TSPAN5: variants seen among roughly 807,000 people sequenced by gnomAD.
The protein encoded by TSPAN5 is tetraspanin 5, also known as tetraspanin-5.
A neutral mutation model predicts 37.1 loss-of-function variants in TSPAN5; 10 were observed. The ratio of observed to expected loss-of-function variants is 0.27; its 90% CI spans 0.17 to 0.46. The LOEUF is 0.46. Ranked by LOEUF, TSPAN5 falls within the 20% of genes least tolerant of loss-of-function variation. The pLI is 1.00. For missense variants in TSPAN5, 195 were observed against 326.6 expected, an observed-to-expected ratio of 0.60 and a Z score of 3.11; for synonymous variants, 110 against 118.9, an observed-to-expected ratio of 0.93 and a Z score of 0.48.
intron 1 of TSPAN5, among the ~76,000 whole-genome samples, chr4:98,535,374 G>A (rs1209003746): frequency 6.6e-6 from 1 of 152,128 alleles, no homozygotes; most frequent in East Asian, 1.9e-4. Context: ...CTCTCTTCTG[G>A]CTTGTAGGGT....
chr4:98,658,301 C>T lies in TSPAN5; in HGVS notation c.-75G>A, dbSNP rs886865024. Reference sequence around the variant, plus strand: ...CGAAGCACCGTTGCTCGGAGCAGCCCGGCGGGGAGCAGGAGCTCAGGGACA... The same window carrying T: ...CGAAGCACCGTTGCTCGGAGCAGCCTGGCGGGGAGCAGGAGCTCAGGGACA... On this transcript the variant is annotated 5_prime_UTR_variant, in exon 1 of 8. Coordinates refer to ENST00000305798, the MANE Select transcript of TSPAN5 (RefSeq NM_005723.4). 7.9e-7 allele frequency: 1 copy of T among 1,272,070 alleles called. No homozygotes were observed. The highest frequency in any genetic ancestry group is 1.5e-5 in the African/African-American group (1 of 67,920). The allele number at this position is 1,272,070 out of a possible 1,614,324, so 78.8% of individuals were successfully genotyped here. A position where few individuals can be genotyped will look rare whatever the true frequency, so the allele number is the denominator to read the frequency against.
intron 1 of TSPAN5, among the ~76,000 whole-genome samples, chr4:98,592,121 T>C (rs962893208): frequency 1.3e-5 from 2 of 151,214 alleles, no homozygotes; most frequent in Non-Finnish European, 2.9e-5. Context: ...CAATAAATAG[T>C]GTTATAACAA....
chr4:98,554,073 A>T lies in TSPAN5; in HGVS notation c.82-46345T>A, dbSNP rs534772781. 4.6e-5 allele frequency among the ~76,000 whole-genome samples: 7 copies of T among 151,996 alleles called. No homozygotes were observed. The East Asian group carries it at 1.3e-3, about 29-fold the overall frequency. ...CAGAGCGAGACTCTATCTAAAAAAA[A>T]AATAAATTAAAAAAAAAATGTAAAA... On this transcript the variant is annotated intron_variant, in intron 1 of 7. Transcript: ENST00000305798.
At chr4:98,590,105 G>A (rs368183148) in intron 1 of TSPAN5, among the ~76,000 whole-genome samples, 3 of 152,020 alleles carry the variant, frequency 2.0e-5, no homozygotes, top group African/African-American at 7.2e-5. Flanking sequence ...GAAATGAAAC[G>A]GCACTACCCC....
chr4:98,547,694 C>T (rs527768363), intron 1 of TSPAN5, among the ~76,000 whole-genome samples: 1 of 152,166 alleles, frequency 6.6e-6, no homozygotes, highest in South Asian at 2.1e-4. Context: ...ATGAAAGCTA[C>T]ACATCCTTAC....
At chr4:98,644,504 CT>C (rs546358465) in intron 1 of TSPAN5, among the ~76,000 whole-genome samples, 1,951 of 148,854 alleles carry the variant, frequency 0.013, 42 homozygotes, top group African/African-American at 0.043. Flanking sequence ...AAAAAGCACC[CT>C]TTTTTTTTTA....
At chr4:98,589,407 C>T (rs182557121) in intron 1 of TSPAN5, among the ~76,000 whole-genome samples, 1 of 152,074 alleles carries the variant, frequency 6.6e-6, no homozygotes, top group African/African-American at 2.4e-5. Context: ...GAGAAGAGGC[C>T]GGAAATACTC....
At chr4:98,625,445 G>T (rs1251489043) in intron 1 of TSPAN5, among the ~76,000 whole-genome samples, 9 of 152,278 alleles carry the variant, frequency 5.9e-5, no homozygotes, top group African/African-American at 2.2e-4. Context: ...GTTAATCAAG[G>T]TAAGACTTAT....
chr4:98,503,843 T>A (rs945818003), intron 2 of TSPAN5, among the ~76,000 whole-genome samples: 1 of 152,224 alleles, frequency 6.6e-6, no homozygotes, highest in East Asian at 1.9e-4. Flanking sequence ...TGACTGTCAC[T>A]GGATGTTGTC....
intron 1 of TSPAN5, among the ~76,000 whole-genome samples, chr4:98,556,447 G>A (rs1754753465): frequency 6.6e-6 from 1 of 152,186 alleles, no homozygotes; most frequent in Admixed American, 6.5e-5. Flanking sequence ...GGCAGAAATG[G>A]CAGTATATGA....
At chr4:98,552,081 T>C (rs1327930825) in intron 1 of TSPAN5, among the ~76,000 whole-genome samples, 2 of 152,194 alleles carry the variant, frequency 1.3e-5, no homozygotes, top group African/African-American at 4.8e-5. Flanking sequence ...GTGTTTATTT[T>C]GATCTTCTCT....
chr4:98,611,347 T>C (rs1207202965), intron 1 of TSPAN5, among the ~76,000 whole-genome samples: 4 of 152,172 alleles, frequency 2.6e-5, no homozygotes, highest in Non-Finnish European at 5.9e-5. Context: ...TCAATTTTAT[T>C]AATACTAAGA....
At chr4:98,625,643 C>T (rs1177447799) in intron 1 of TSPAN5, among the ~76,000 whole-genome samples, 2 of 152,224 alleles carry the variant, frequency 1.3e-5, no homozygotes, top group Non-Finnish European at 2.9e-5. Context: ...ATACGACTCA[C>T]TTGCTATTAC....
At chr4:98,611,520 G>A (rs1756189721) in intron 1 of TSPAN5, among the ~76,000 whole-genome samples, 1 of 152,280 alleles carries the variant, frequency 6.6e-6, no homozygotes, top group Admixed American at 6.5e-5. Context: ...TGTGAGCTCA[G>A]CATAGCATTA....
chr4:98,486,965 C>T, intron 2 of TSPAN5, 81 bp from the exon 3 acceptor site: 1 of 1,465,680 alleles, frequency 6.8e-7, no homozygotes, highest in Non-Finnish European at 9.3e-7. Context: ...TGCATTTGTC[C>T]TTTCCCCTCC....
At chr4:98,486,602 A>G (rs1357955105) in intron 3 of TSPAN5, 136 bp downstream of exon 3, 1 of 967,576 alleles carries the variant, frequency 1.0e-6, no homozygotes, top group Non-Finnish European at 1.6e-6. Flanking sequence ...GCTCTCTCAA[A>G]AGAAAATAAT....
intron 1 of TSPAN5, among the ~76,000 whole-genome samples, chr4:98,535,237 A>C (rs958629499): frequency 6.6e-6 from 1 of 152,184 alleles, no homozygotes; most frequent in Non-Finnish European, 1.5e-5. Flanking sequence ...GTGGTGACAA[A>C]ATCTCTCAGC....
At chr4:98,649,922 A>T (rs964590075) in intron 1 of TSPAN5, among the ~76,000 whole-genome samples, 1 of 152,222 alleles carries the variant, frequency 6.6e-6, no homozygotes, top group Non-Finnish European at 1.5e-5. Flanking sequence ...ATCTGGAAAC[A>T]GTATATGTAG....
intron 1 of TSPAN5, among the ~76,000 whole-genome samples, chr4:98,561,245 G>T (rs1754876923): frequency 6.6e-6 from 1 of 152,232 alleles, no homozygotes; most frequent in South Asian, 2.1e-4. Flanking sequence ...GAAAGGGCCT[G>T]GGCCTATACA....
Sources: allele counts gnomAD v4.1 joint callset (sites outside exome capture counted in the v4.1 genomes callset), GRCh38; gene constraint gnomAD v4.1.1; transcripts MANE v1.5; gene names NCBI Gene and HGNC (gene_info 2026-07-23, HGNC 2026-07-21).